The following ZNF148 variants were observed in gnomAD, a reference collection of about 807,000 sequenced individuals.
The protein encoded by ZNF148 is Beta-Enolase Repressor Factor-1.
In ZNF148, 7 loss-of-function variants were observed where a neutral mutation model predicts 67.7. The ratio of observed to expected loss-of-function variants is 0.10; its 90% CI spans 0.06 to 0.19. ZNF148 has a LOEUF of 0.19. Among genes scored for constraint, ZNF148 ranks in the 10% least tolerant of loss-of-function variants. The pLI is 1.00. For missense variants in ZNF148, 583 were observed against 947.1 expected (o/e 0.62, Z 5.05); for synonymous variants, 333 against 330.7 (o/e 1.01, Z -0.08).
Position 125,232,629 on chromosome 3 carries a change from G to A in ZNF148, c.2097C>T (p.Ala699=). 6.2e-7 allele frequency: 1 copy of A among 1,613,788 alleles called. No homozygotes were observed. Residue 699 remains alanine, a synonymous_variant, in exon 9 of 9, where the codon GCC becomes GCT. Transcript: ENST00000360647. This position sits in a 1 kb window ranked among gnomAD's most constrained non-coding sequence, Gnocchi z 4.2. ...FSGDETNHAS[A]TSTQDFLDQV... ...GATCCAGAAAGTCCTGTGTTGATGTGGCAGAAGCATGGTTTGTCTCATCAC... is the reference window on the plus strand; with the variant it reads ...GATCCAGAAAGTCCTGTGTTGATGTAGCAGAAGCATGGTTTGTCTCATCAC...
chr3:125,290,405 A>G (rs1211603150), intron 4 of ZNF148, among the ~76,000 whole-genome samples: 1 of 152,146 alleles, frequency 6.6e-6, no homozygotes, highest in Non-Finnish European at 1.5e-5. Context: ...CCTATACTGA[A>G]AATATTCTTC....
intron 7 of ZNF148, among the ~76,000 whole-genome samples, chr3:125,259,121 A>G (rs762362492): frequency 7.2e-5 from 11 of 152,226 alleles, no homozygotes; most frequent in Non-Finnish European, 1.5e-4. Flanking sequence ...TGGGAAAAAA[A>G]TTGCAAATCA....
At chr3:125,373,273 T>G (rs1942949195) in intron 1 of ZNF148, among the ~76,000 whole-genome samples, 2 of 150,730 alleles carry the variant, frequency 1.3e-5, no homozygotes, top group African/African-American at 4.9e-5. Flanking sequence ...GGGTTTCACA[T>G]AGTGATGGGG....
At chr3:125,264,806 T>C (rs1426615470) in intron 7 of ZNF148, among the ~76,000 whole-genome samples, 1 of 152,198 alleles carries the variant, frequency 6.6e-6, no homozygotes, top group Non-Finnish European at 1.5e-5. Flanking sequence ...AGTATGATAG[T>C]AGTATTCCTG....
chr3:125,313,691 A>G (rs1433125273), intron 3 of ZNF148, 35 bp from the exon 4 acceptor site: 1 of 1,509,064 alleles, frequency 6.6e-7, no homozygotes, highest in South Asian at 1.2e-5. Flanking sequence ...AACATAGTAA[A>G]TTAGTTTTAT....
intron 7 of ZNF148, among the ~76,000 whole-genome samples, chr3:125,258,257 C>G (rs1432898221): frequency 6.6e-6 from 1 of 151,596 alleles, no homozygotes; most frequent in Admixed American, 6.6e-5. Flanking sequence ...CCCATCTCTA[C>G]TAAAAAATAC....
At chr3:125,310,343 T>C (rs1940134304) in intron 4 of ZNF148, among the ~76,000 whole-genome samples, 2 of 152,148 alleles carry the variant, frequency 1.3e-5, no homozygotes, top group South Asian at 4.2e-4. Context: ...CCTCCCAAAG[T>C]GCTGAGATTA....
chr3:125,256,043 T>C (rs1225238735), intron 7 of ZNF148, among the ~76,000 whole-genome samples: 1 of 151,984 alleles, frequency 6.6e-6, no homozygotes, highest in Non-Finnish European at 1.5e-5. Flanking sequence ...ATTCCAATTA[T>C]AAATATGCCC....
intron 1 of ZNF148, among the ~76,000 whole-genome samples, chr3:125,363,685 C>A (rs924786489): frequency 6.6e-6 from 1 of 150,950 alleles, no homozygotes; most frequent in East Asian, 1.9e-4. Flanking sequence ...GAGACAGGGT[C>A]TCCCTCTGTC....
Position 125,232,549 on chromosome 3 carries a change from A to G in ZNF148, c.2177T>C (p.Met726Thr), listed in dbSNP as rs766566072. Residue 726 changes from methionine (M) to threonine (T), a missense_variant, in exon 9 of 9, where the codon ATG becomes ACG. Coordinates refer to ENST00000360647, the MANE Select transcript of ZNF148 (RefSeq NM_021964.3). This position sits in a 1 kb window ranked among gnomAD's most constrained non-coding sequence, Gnocchi z 4.2. ...EAQPVHQAYQ[M>T]SSFEQPFRAP... Reference sequence around the variant, plus strand: ...ACGGAAGGGCTGTTCAAAGGAGCTCATTTGGTAAGCTTGGTGGACAGGCTG... The same window carrying G: ...ACGGAAGGGCTGTTCAAAGGAGCTCGTTTGGTAAGCTTGGTGGACAGGCTG... 1 of 1,613,778 alleles carries G rather than the reference A, an allele frequency of 6.2e-7. No homozygotes were observed. The highest frequency in any genetic ancestry group is 1.7e-5 in the Admixed American group (1 of 59,964).
intron 1 of ZNF148, among the ~76,000 whole-genome samples, chr3:125,370,109 A>G (rs1217622630): frequency 6.6e-6 from 1 of 152,194 alleles, no homozygotes; most frequent in Non-Finnish European, 1.5e-5. Flanking sequence ...AGGTAAAAAA[A>G]AAAAATCTAA....
At chr3:125,294,408 G>A (rs1341411809) in intron 4 of ZNF148, among the ~76,000 whole-genome samples, 2 of 152,276 alleles carry the variant, frequency 1.3e-5, no homozygotes, top group South Asian at 2.1e-4. Context: ...GTACCATACG[G>A]TTACATAAGT....
intron 1 of ZNF148, among the ~76,000 whole-genome samples, chr3:125,347,980 T>C (rs1942006833): frequency 6.6e-6 from 1 of 152,084 alleles, no homozygotes; most frequent in African/African-American, 2.4e-5. Context: ...TCTAAATGGA[T>C]TAAAGACCTG....
intron 1 of ZNF148, among the ~76,000 whole-genome samples, chr3:125,361,226 C>T (rs1255395174): frequency 1.3e-5 from 2 of 152,028 alleles, no homozygotes; most frequent in East Asian, 3.9e-4. Context: ...CCTACTCCTT[C>T]AGCTTGATAA....
At chr3:125,366,855 C>T (rs1339638928) in intron 1 of ZNF148, among the ~76,000 whole-genome samples, 1 of 152,084 alleles carries the variant, frequency 6.6e-6, no homozygotes, top group Non-Finnish European at 1.5e-5. Flanking sequence ...AAAAAAAAAT[C>T]TTATCAATCC....
At chr3:125,338,646 T>G (rs1367127694) in intron 1 of ZNF148, among the ~76,000 whole-genome samples, 2 of 96,010 alleles carry the variant, frequency 2.1e-5, no homozygotes, top group African/African-American at 4.6e-5. Context: ...AGTGACAGAG[T>G]GAGACCCTGT....
At chr3:125,245,349 T>C (rs1936549233) in intron 7 of ZNF148, among the ~76,000 whole-genome samples, 1 of 152,232 alleles carries the variant, frequency 6.6e-6, no homozygotes, top group African/African-American at 2.4e-5. Context: ...ACAATTTTCC[T>C]GCTCTTGCTC....
At chr3:125,351,334 GTGCCACC>G (rs1942142962) in intron 1 of ZNF148, among the ~76,000 whole-genome samples, 1 of 134,244 alleles carries the variant, frequency 7.4e-6, no homozygotes, top group Admixed American at 8.4e-5. Flanking sequence ...ATCTGTTACC[GTGCCACC>G]GCACTCCGGC....
intron 1 of ZNF148, among the ~76,000 whole-genome samples, chr3:125,343,446 TTG>T (rs1941813520): frequency 4.4e-5 from 1 of 22,934 alleles, no homozygotes; most frequent in African/African-American, 2.5e-4. Flanking sequence ...AGCAAGGGGA[TTG>T]TAAAATGCAC....
Sources: gnomAD v4.1 joint callset for allele counts (sites outside exome capture counted in the v4.1 genomes callset) on GRCh38, gnomAD v4.1.1 for gene constraint, Gnocchi (gnomAD v3.1) non-coding constraint, MANE v1.5 for transcripts, NCBI Gene and HGNC (gene_info 2026-07-23, HGNC 2026-07-21) for gene names.